CLMN: variants seen among roughly 807,000 people sequenced by gnomAD.
The protein encoded by CLMN is calmin (calponin-like, transmembrane).
Under a neutral mutation model 92.7 loss-of-function variants are expected in CLMN, and 57 were observed. The observed-to-expected ratio is 0.61, with a 90% CI of 0.50 to 0.77. The LOEUF is 0.77. CLMN is among the 30% of genes least tolerant of loss of function. The pLI, the probability that CLMN is intolerant of heterozygous loss-of-function variation, is 0.00. For synonymous variants in CLMN, 466 were observed against 470.6 expected, an observed-to-expected ratio of 0.99 and a Z score of 0.13; for missense variants, 1,158 against 1,237.5, an observed-to-expected ratio of 0.94 and a Z score of 0.96.
At chr14:95,267,579 T>G (rs558428554) in intron 1 of CLMN, among the ~76,000 whole-genome samples, 5 of 152,330 alleles carry the variant, frequency 3.3e-5, no homozygotes, top group African/African-American at 1.2e-4. Context: ...TCATACACTG[T>G]TGCTAGAATG....
At chr14:95,278,335 C>G (rs1399401481) in intron 1 of CLMN, among the ~76,000 whole-genome samples, 1 of 152,078 alleles carries the variant, frequency 6.6e-6, no homozygotes, top group Non-Finnish European at 1.5e-5. Flanking sequence ...TTTAAAAGAC[C>G]TTTAAGTTTT....
At chr14:95,233,845 T>C (rs1897966047) in intron 1 of CLMN, among the ~76,000 whole-genome samples, 1 of 152,230 alleles carries the variant, frequency 6.6e-6, no homozygotes, top group Admixed American at 6.5e-5. Context: ...ACTTCTGCTC[T>C]AGCCAAGGCC....
rs1896516651 is a variant in CLMN at position 95,189,608 on chromosome 14, C to G, written c.*1956G>C. 1 of 152,212 alleles carries G rather than the reference C, an allele frequency of 6.6e-6. No individual in the cohort carries two copies. The allele number at this position is 152,212 out of a possible 1,614,324, so 9.4% of individuals were successfully genotyped here. A position where few individuals can be genotyped will look rare whatever the true frequency, so the allele number is the denominator to read the frequency against. ...GGTTTTTCTGAACAAGGTCTAGACC[C>G]ATAAAATGAAATGATTCACATTTGG... On this transcript the variant is annotated 3_prime_UTR_variant, in exon 13 of 13. Transcript: ENST00000298912.
intron 1 of CLMN, among the ~76,000 whole-genome samples, chr14:95,252,035 G>A (rs996096724): frequency 1.3e-5 from 2 of 152,160 alleles, no homozygotes; most frequent in African/African-American, 2.4e-5. Context: ...ATGGCTCTGC[G>A]CCTCTTCCTT....
chr14:95,260,572 G>A (rs1899211513), intron 1 of CLMN: 1 of 152,226 alleles, frequency 6.6e-6, no homozygotes, highest in Non-Finnish European at 1.5e-5. Flanking sequence ...TCTTCAGGGA[G>A]CTTGTGATTT....
chr14:95,250,175 G>C (rs1053511252), intron 1 of CLMN, among the ~76,000 whole-genome samples: 1 of 152,170 alleles, frequency 6.6e-6, no homozygotes, highest in Non-Finnish European at 1.5e-5. Context: ...TCTCTCTCTG[G>C]GCTTATTTGT....
intron 1 of CLMN, among the ~76,000 whole-genome samples, chr14:95,283,468 T>C (rs1326475872): frequency 6.6e-6 from 1 of 152,200 alleles, no homozygotes; most frequent in African/African-American, 2.4e-5. Context: ...ACTTTGGAAC[T>C]GGGTAACAGG....
In CLMN at chr14:95,215,856, T is replaced by C. The variant is rs1032125689; in HGVS notation, c.325-123A>G. 1.1e-3 allele frequency: 709 copies of C among 626,934 alleles called. 4 individuals are homozygous for C. Among genetic ancestry groups the C allele is most frequent in the Non-Finnish European group, 1.6e-3 (559 of 353,962 alleles). 38.8% of individuals were successfully genotyped at this position (626,934 alleles called of 1,614,324 possible). A position where few individuals can be genotyped will look rare whatever the true frequency, so the allele number is the denominator to read the frequency against. ...GTGTGTGTGTGTGTGTGTGTGTGTG[T>C]GTGTTTGCATGAGCCTGTTTTTCTT... On this transcript the variant is annotated intron_variant, in intron 4 of 12. Coordinates refer to ENST00000298912, the MANE Select transcript of CLMN (RefSeq NM_024734.4).
At position 95,319,893 on chromosome 14, in the gene CLMN, G is replaced by A. The variant is rs1290708882; in HGVS notation, c.-101C>T. 7 of 540,880 alleles carry A rather than the reference G, an allele frequency of 1.3e-5. No individual in the cohort carries two copies. Among genetic ancestry groups the A allele is most frequent in the South Asian group, 1.6e-4 (2 of 12,626 alleles). The allele number at this position is 540,880 out of a possible 1,614,324, so 33.5% of individuals were successfully genotyped here. ...GCGGCACGCACCCGGCGAGGGCGCC[G>A]CGGAGCTGGAGTCGCGGCGGGCGCG... On this transcript the variant is annotated 5_prime_UTR_variant, in exon 1 of 13. Coordinates refer to ENST00000298912, the MANE Select transcript of CLMN (RefSeq NM_024734.4).
chr14:95,248,711 GTTC>G (rs1898667896), intron 1 of CLMN, among the ~76,000 whole-genome samples: 1 of 152,104 alleles, frequency 6.6e-6, no homozygotes, highest in African/African-American at 2.4e-5. Flanking sequence ...ATTTTAGTCA[GTTC>G]TTCCCTTCTG....
At chr14:95,205,072 A>G (rs1897009320) in intron 8 of CLMN, among the ~76,000 whole-genome samples, 2 of 152,192 alleles carry the variant, frequency 1.3e-5, no homozygotes, top group Admixed American at 1.3e-4. Flanking sequence ...TTGACTCCCA[A>G]TGCACCGATA....
chr14:95,306,427 G>C (rs1237280664), intron 1 of CLMN, among the ~76,000 whole-genome samples: 1 of 152,114 alleles, frequency 6.6e-6, no homozygotes, highest in Admixed American at 6.5e-5. Context: ...GCTGAGGCAG[G>C]AGAATTGCTT....
intron 1 of CLMN, among the ~76,000 whole-genome samples, chr14:95,245,250 AT>A (rs1898487781): frequency 1.4e-4 from 5 of 36,006 alleles, no homozygotes. Context: ...ATATATATAT[AT>A]ATAATATATA....
chr14:95,221,843 C>T, intron 3 of CLMN, 69 bp from the exon 4 acceptor site: 1 of 1,421,462 alleles, frequency 7.0e-7, no homozygotes, highest in Non-Finnish European at 9.7e-7. Flanking sequence ...CCCAGCGGTG[C>T]TGCTGGGTGT....
chr14:95,224,783 G>C (rs1897660536), intron 2 of CLMN, among the ~76,000 whole-genome samples: 1 of 152,172 alleles, frequency 6.6e-6, no homozygotes, highest in Admixed American at 6.5e-5. Flanking sequence ...CATCAGTAGG[G>C]CTCCCCCATC....
chr14:95,236,173 C>T (rs1467876486), intron 1 of CLMN, among the ~76,000 whole-genome samples: 1 of 152,244 alleles, frequency 6.6e-6, no homozygotes, highest in African/African-American at 2.4e-5. Context: ...GAGTCTGAGG[C>T]ACAGAGAGCT....
At chr14:95,300,731 T>C (rs561108170) in intron 1 of CLMN, among the ~76,000 whole-genome samples, 3 of 152,172 alleles carry the variant, frequency 2.0e-5, no homozygotes, top group East Asian at 3.9e-4. Flanking sequence ...TAATGCAGGG[T>C]CCCCTTGTTA....
intron 12 of CLMN, chr14:95,193,348 C>T (rs1348529091): frequency 1.1e-5 from 17 of 1,535,126 alleles, no homozygotes; most frequent in Non-Finnish European, 1.4e-5. Context: ...TGTTTGCTTT[C>T]CCTCTTCATG....
chr14:95,193,194 T>TG (rs35356548), intron 12 of CLMN: 1 of 635,002 alleles, frequency 1.6e-6, no homozygotes, highest in South Asian at 1.9e-5. Flanking sequence ...TCAACAGGAA[T>TG]GGGGACGTCT....
Sources: allele counts gnomAD v4.1 joint callset (sites outside exome capture counted in the v4.1 genomes callset), GRCh38; gene constraint gnomAD v4.1.1; transcripts MANE v1.5; gene names NCBI Gene and HGNC (gene_info 2026-07-23, HGNC 2026-07-21).